FNBP1: variants seen among roughly 807,000 people sequenced by gnomAD.
The protein encoded by FNBP1 is formin binding protein 1.
A neutral mutation model predicts 90.6 loss-of-function variants in FNBP1; 26 were observed. That is an observed-to-expected ratio of 0.29 (90% CI 0.21 to 0.40). FNBP1 has a LOEUF of 0.40. Ranked by LOEUF, FNBP1 falls within the 10% of genes least tolerant of loss-of-function variation. The probability of loss-of-function intolerance (pLI) is 1.00; values close to 1 mark genes in which losing one functional copy is unlikely to be tolerated. For synonymous variants in FNBP1, 260 were observed against 265.2 expected (o/e 0.98, Z 0.19); for missense variants, 635 against 768.0 (o/e 0.83, Z 2.05).
At chr9:129,939,567 T>C (rs559046684) in intron 6 of FNBP1, among the ~76,000 whole-genome samples, 5 of 152,282 alleles carry the variant, frequency 3.3e-5, no homozygotes, top group African/African-American at 9.6e-5. Context: ...AGGAAGCTTA[T>C]GTAGGTCTCA....
At chr9:129,958,985 C>CAGAAAAAAAAAAAAAAAAA (rs2047365949) in intron 4 of FNBP1, among the ~76,000 whole-genome samples, 1 of 9,154 alleles carries the variant, frequency 1.1e-4, no homozygotes, top group Non-Finnish European at 1.9e-4. Context: ...AACTCTGCCT[C>CAGAAAAAAAAAAAAAAAAA]AAAAAAAAAA....
intron 2 of FNBP1, among the ~76,000 whole-genome samples, chr9:129,986,091 G>A (rs1418645183): frequency 2.7e-5 from 4 of 150,622 alleles, no homozygotes; most frequent in South Asian, 4.2e-4. Context: ...AGCTGAGATC[G>A]TGCCACTGCA....
intron 2 of FNBP1, among the ~76,000 whole-genome samples, chr9:129,986,193 A>C (rs2052205339): frequency 6.6e-6 from 1 of 152,030 alleles, no homozygotes; most frequent in African/African-American, 2.4e-5. Context: ...GTAATACAGA[A>C]GCAAAAGAAA....
intron 1 of FNBP1, among the ~76,000 whole-genome samples, chr9:130,006,713 T>C (rs1472613424): frequency 6.6e-6 from 1 of 152,094 alleles, no homozygotes; most frequent in Non-Finnish European, 1.5e-5. Flanking sequence ...TTAGGCTTAA[T>C]TGTTATAATT....
At chr9:130,016,518 C>T (rs1377275850) in intron 1 of FNBP1, among the ~76,000 whole-genome samples, 1 of 152,100 alleles carries the variant, frequency 6.6e-6, no homozygotes, top group African/African-American at 2.4e-5. Flanking sequence ...CCGAGGCTGG[C>T]GGATCACCTG....
intron 6 of FNBP1, among the ~76,000 whole-genome samples, chr9:129,948,616 C>T (rs2045709814): frequency 6.6e-6 from 1 of 152,002 alleles, no homozygotes; most frequent in African/African-American, 2.4e-5. Flanking sequence ...GATCTCAGCT[C>T]ACTGCAACCT....
At chr9:129,938,344 C>G (rs527634038) in intron 6 of FNBP1, among the ~76,000 whole-genome samples, 1 of 152,178 alleles carries the variant, frequency 6.6e-6, no homozygotes, top group Non-Finnish European at 1.5e-5. Context: ...AATTTCAAGA[C>G]TAAGAATGCA....
intron 1 of FNBP1, among the ~76,000 whole-genome samples, chr9:130,036,022 A>T (rs1221398405): frequency 2.7e-5 from 4 of 145,800 alleles, no homozygotes; most frequent in Non-Finnish European, 4.5e-5. Flanking sequence ...CCTCATCATT[A>T]AAAAAAAAAG....
At position 129,890,533 on chromosome 9, in the gene FNBP1, TC is replaced by T; in HGVS notation, c.*5del. 1 of 1,585,146 alleles carries T rather than the reference TC, an allele frequency of 6.3e-7. No individual in the cohort carries two copies. Among genetic ancestry groups the T allele is most frequent in the Non-Finnish European group, 8.6e-7 (1 of 1,166,586 alleles). On this transcript the variant is annotated 3_prime_UTR_variant, in exon 17 of 17. Coordinates refer to ENST00000446176, the MANE Select transcript of FNBP1 (RefSeq NM_015033.3). This position sits in a 1 kb window ranked among gnomAD's most constrained non-coding sequence, Gnocchi z 5.8. ...AGGCTCACCCGAGGCTCGCAGGCAC[TC>T]CCCTCTAGGAATCTACAACACAAAG...
chr9:130,026,759 C>T (rs907970517), intron 1 of FNBP1, among the ~76,000 whole-genome samples: 7 of 151,872 alleles, frequency 4.6e-5, no homozygotes, highest in Non-Finnish European at 8.8e-5. Flanking sequence ...TTGAGACCAA[C>T]CTGGGTAACA....
rs2042420970 is a variant in FNBP1, at chr9:129,929,593, G to A, written c.616C>T (p.His206Tyr). Residue 206 changes from histidine to tyrosine, a missense_variant, in exon 7 of 17, where the codon CAT becomes TAT. Transcript: ENST00000446176. ...KFNHEQHEYY[H>Y]THIPNIFQKI... ...TGGAAGATGTTGGGGATGTGAGTATGGTAATATTCATGCTGCTCATGGTTG... is the reference window on the plus strand; with the variant it reads ...TGGAAGATGTTGGGGATGTGAGTATAGTAATATTCATGCTGCTCATGGTTG... 3 of 1,613,348 alleles carry A rather than the reference G, an allele frequency of 1.9e-6. No individual in the cohort carries two copies. The highest frequency in any genetic ancestry group is 2.7e-5 in the African/African-American group (2 of 75,022).
At chr9:129,963,936 G>T (rs2048208741) in intron 4 of FNBP1, among the ~76,000 whole-genome samples, 1 of 151,972 alleles carries the variant, frequency 6.6e-6, no homozygotes, top group South Asian at 2.1e-4. Flanking sequence ...CACAGTACCT[G>T]TCCCTCTATC....
chr9:129,962,997 C>T (rs925443604), intron 4 of FNBP1, among the ~76,000 whole-genome samples: 2 of 152,076 alleles, frequency 1.3e-5, no homozygotes, highest in African/African-American at 4.8e-5. Flanking sequence ...GACTTCTCTG[C>T]GAAGAGAAAG....
At chr9:130,049,409 T>G in the FNBP1 span, among the ~76,000 whole-genome samples, 1 of 151,922 alleles carries the variant, frequency 6.6e-6, no homozygotes, top group African/African-American at 2.4e-5. Flanking sequence ...GAAATAATGC[T>G]ACTTCAAAGG....
intron 1 of FNBP1, among the ~76,000 whole-genome samples, chr9:130,013,494 T>C (rs776128382): frequency 6.6e-6 from 1 of 152,102 alleles, no homozygotes; most frequent in Non-Finnish European, 1.5e-5. Flanking sequence ...AATGGCAACA[T>C]TCACACACTG....
chr9:129,955,205 A>G (rs1310945189), intron 6 of FNBP1, among the ~76,000 whole-genome samples: 1 of 152,056 alleles, frequency 6.6e-6, no homozygotes, highest in Non-Finnish European at 1.5e-5. Context: ...TCTACAGAAA[A>G]AAACAGAAAT....
chr9:129,974,451 A>C (rs1447442883), intron 4 of FNBP1, among the ~76,000 whole-genome samples: 1 of 152,260 alleles, frequency 6.6e-6, no homozygotes, highest in Admixed American at 6.5e-5. Flanking sequence ...GGCGTGAGCC[A>C]CCACGCCAGG....
At chr9:130,049,700 C>CA in the FNBP1 span, among the ~76,000 whole-genome samples, 108 of 133,094 alleles carry the variant, frequency 8.1e-4, 1 homozygote, top group African/African-American at 1.2e-3. Flanking sequence ...GACTCTGTCT[C>CA]AAAAAAAAAT....
intron 4 of FNBP1, among the ~76,000 whole-genome samples, chr9:129,967,177 G>A (rs1428751139): frequency 3.3e-5 from 5 of 152,184 alleles, no homozygotes; most frequent in African/African-American, 9.6e-5. Context: ...ACTGGAGGGA[G>A]TGCAGACTGG....
Sources: gnomAD v4.1 joint callset for allele counts (sites outside exome capture counted in the v4.1 genomes callset) on GRCh38, gnomAD v4.1.1 for gene constraint, Gnocchi (gnomAD v3.1) non-coding constraint, MANE v1.5 for transcripts, NCBI Gene and HGNC (gene_info 2026-07-23, HGNC 2026-07-21) for gene names.